LEPR: variants seen among roughly 807,000 people sequenced by gnomAD.
The protein encoded by LEPR is leptin receptor.
LEPR carries 56 observed loss-of-function variants against 114.7 expected under a neutral mutation model. The observed-to-expected ratio is 0.49, with a 90% CI of 0.39 to 0.61. LEPR has a LOEUF of 0.61. LEPR is among the 20% of genes least tolerant of loss of function. The pLI is 0.00. For synonymous variants in LEPR, 443 were observed against 461.4 expected, an observed-to-expected ratio of 0.96 and a Z score of 0.51; for missense variants, 1,202 against 1,352.9, an observed-to-expected ratio of 0.89 and a Z score of 1.75.
intron 2 of LEPR, among the ~76,000 whole-genome samples, chr1:65,462,424 A>G (rs1479712521): frequency 6.6e-6 from 1 of 152,184 alleles, no homozygotes; most frequent in African/African-American, 2.4e-5. Flanking sequence ...GTTGGTTCCA[A>G]GTCTTTGCTA....
At chr1:65,553,083 C>A (rs1407300323) in intron 2 of LEPR, among the ~76,000 whole-genome samples, 4 of 152,194 alleles carry the variant, frequency 2.6e-5, no homozygotes, top group Non-Finnish European at 4.4e-5. Context: ...GCAGACATAT[C>A]CACTGTTAGT....
intron 5 of LEPR, among the ~76,000 whole-genome samples, chr1:65,583,737 G>A (rs538431530): frequency 9.2e-5 from 14 of 151,956 alleles, no homozygotes; most frequent in African/African-American, 3.4e-4. Flanking sequence ...GAAAAGATAG[G>A]AAAATGTGAC....
At position 65,570,515 on chromosome 1, in the gene LEPR, T is replaced by C; in HGVS notation, c.83T>C (p.Ile28Thr). The change falls in exon 4 of 20, where the codon ATT becomes ACT. Residue 28 changes from isoleucine (I) to threonine (T), a missense_variant. Ile to Thr is a moderately conservative substitution (Grantham distance 89). Coordinates refer to ENST00000349533, the MANE Select transcript of LEPR (RefSeq NM_002303.6). ...ACTGCGTTTAACTTGTCATATCCAA[T>C]TACTCCTTGGAGATTTAAGTTGTCT... ...VITAFNLSYPITPWRFKLSCM... is the reference protein window; with the variant it reads ...VITAFNLSYPTTPWRFKLSCM... 1 of 1,613,934 alleles carries C rather than the reference T, an allele frequency of 6.2e-7. No homozygotes were observed.
intron 2 of LEPR, among the ~76,000 whole-genome samples, chr1:65,497,698 T>A (rs1648235655): frequency 6.6e-6 from 1 of 152,088 alleles, no homozygotes. Flanking sequence ...CCTTACTGAC[T>A]GTTTTCTACA....
intron 5 of LEPR, among the ~76,000 whole-genome samples, chr1:65,581,114 T>C (rs920107663): frequency 1.2e-4 from 19 of 152,222 alleles, no homozygotes; most frequent in Non-Finnish European, 2.6e-4. Context: ...TCTTGAATGC[T>C]TATTTTCAAT....
intron 2 of LEPR, chr1:65,432,926 T>A (rs1343550086): frequency 1.0e-6 from 1 of 960,716 alleles, no homozygotes; most frequent in East Asian, 1.1e-4. Context: ...ATACAATAAT[T>A]TGTCAATATA....
At chr1:65,473,098 C>A (rs554789302) in intron 2 of LEPR, among the ~76,000 whole-genome samples, 2 of 152,326 alleles carry the variant, frequency 1.3e-5, no homozygotes, top group South Asian at 4.1e-4. Context: ...CCACAAAAAG[C>A]AGTGATAATA....
chr1:65,511,500 A>G (rs1488453517), intron 2 of LEPR, among the ~76,000 whole-genome samples: 1 of 151,990 alleles, frequency 6.6e-6, no homozygotes, highest in Non-Finnish European at 1.5e-5. Flanking sequence ...ATGGCAACCA[A>G]GGTCTTGCAA....
intron 2 of LEPR, among the ~76,000 whole-genome samples, chr1:65,491,364 G>T (rs1467594267): frequency 1.3e-5 from 2 of 152,084 alleles, no homozygotes; most frequent in African/African-American, 4.8e-5. Flanking sequence ...CAGCTAACAG[G>T]TCTGAGTCTA....
rs1658483008 is a variant in LEPR, at chr1:65,630,696, T to TCG, written c.2674-5495_2674-5494insCG. Among the ~76,000 whole-genome samples the TCG allele has an allele frequency of 2.0e-5, 3 of 149,544 alleles. No homozygotes were observed. In the South Asian group the frequency reaches 6.4e-4, roughly 32 times the overall value. On this transcript the variant is annotated intron_variant, in intron 19 of 19. Coordinates refer to ENST00000349533, the MANE Select transcript of LEPR (RefSeq NM_002303.6). ...ATCTCATATTTTCGGTTTCTTTGTT[T>TCG]TGTGTGTGTGTGTGTGTGTGTTATA...
intron 2 of LEPR, among the ~76,000 whole-genome samples, chr1:65,500,388 C>G (rs1015650328): frequency 6.6e-6 from 1 of 152,102 alleles, no homozygotes; most frequent in South Asian, 2.1e-4. Flanking sequence ...TTTCCCCTGA[C>G]TATAATACAG....
intron 2 of LEPR, among the ~76,000 whole-genome samples, chr1:65,526,757 A>G (rs1447922720): frequency 1.3e-5 from 2 of 152,200 alleles, no homozygotes; most frequent in Non-Finnish European, 2.9e-5. Context: ...GGTTGGATTA[A>G]GATAATTTCT....
At chr1:65,438,048 C>G (rs1415274119) in intron 2 of LEPR, among the ~76,000 whole-genome samples, 1 of 147,728 alleles carries the variant, frequency 6.8e-6, no homozygotes, top group Non-Finnish European at 1.5e-5. Flanking sequence ...CTCAAGCAAT[C>G]TTCTTGCCTG....
chr1:65,598,983 AGG>A (rs1656263445), intron 8 of LEPR, among the ~76,000 whole-genome samples, 179 bp downstream of exon 8: 1 of 152,174 alleles, frequency 6.6e-6, no homozygotes, highest in African/African-American at 2.4e-5. Flanking sequence ...CAGAGCCTCT[AGG>A]CTTGTGTGTT....
At chr1:65,521,037 TTTTGGGGCCAGTTTATGGCCAGA>T (rs1483057056) in intron 2 of LEPR, among the ~76,000 whole-genome samples, 1 of 152,204 alleles carries the variant, frequency 6.6e-6, no homozygotes, top group Non-Finnish European at 1.5e-5. Flanking sequence ...TTATGGCCAG[TTTTGGGGCCAGTTTATGGCCAGA>T]TTTGGGGGCC....
At chr1:65,505,029 C>A (rs1648652887) in intron 2 of LEPR, among the ~76,000 whole-genome samples, 1 of 152,160 alleles carries the variant, frequency 6.6e-6, no homozygotes, top group South Asian at 2.1e-4. Context: ...CAACGTGCAG[C>A]ACTGGAAACC....
chr1:65,435,524 C>A (rs941267776), intron 2 of LEPR: 1 of 396,106 alleles, frequency 2.5e-6, no homozygotes, highest in Non-Finnish European at 3.4e-6. Flanking sequence ...CCCGCCACCA[C>A]GCCTGGCTAA....
intron 3 of LEPR, among the ~76,000 whole-genome samples, chr1:65,569,362 C>T (rs1653991862): frequency 1.3e-5 from 2 of 152,076 alleles, no homozygotes. Context: ...ATTTGGGTAA[C>T]TTACTGAAAA....
intron 2 of LEPR, among the ~76,000 whole-genome samples, chr1:65,564,832 C>T (rs547733450): frequency 6.6e-6 from 1 of 152,204 alleles, no homozygotes; most frequent in Admixed American, 6.5e-5. Flanking sequence ...AAGTCCAAGC[C>T]ACATATATTA....
Sources: allele counts gnomAD v4.1 joint callset (sites outside exome capture counted in the v4.1 genomes callset), GRCh38; gene constraint gnomAD v4.1.1; transcripts MANE v1.5; gene names NCBI Gene and HGNC (gene_info 2026-07-23, HGNC 2026-07-21).